The following CLASP1 variants were observed in gnomAD, a reference collection of about 807,000 sequenced individuals.
CLASP1 encodes the protein CLIP-associating protein 1.
A neutral mutation model predicts 192.3 loss-of-function variants in CLASP1; 38 were observed. That is an observed-to-expected ratio of 0.20 (90% confidence interval 0.15 to 0.26). The LOEUF is 0.26. Among genes scored for constraint, CLASP1 ranks in the 10% least tolerant of loss-of-function variants. The pLI is 1.00. For synonymous variants in CLASP1, 691 were observed against 712.8 expected, an observed-to-expected ratio of 0.97 and a Z score of 0.49; for missense variants, 1,433 against 1,932.5, an observed-to-expected ratio of 0.74 and a Z score of 4.85.
Position 121,412,987 on chromosome 2 carries a change from G to A in CLASP1, c.2321-2018C>T, listed in dbSNP as rs568876440. On this transcript the variant is annotated intron_variant, in intron 23 of 39. Coordinates refer to ENST00000263710, the Ensembl canonical transcript of CLASP1. The stretch of plus-strand genomic sequence containing the variant: ...TCAGAATATATAGGAGGCTGGGCAC[G>A]GCGGCTTTGCCTGTAATCCCAGCAC... 2.6e-5 allele frequency among the ~76,000 whole-genome samples: 4 copies of A among 152,290 alleles called. No individual in the cohort carries two copies. The East Asian group carries it at 7.7e-4, about 29-fold the overall frequency.
At chr2:121,528,280 G>T (rs2094633490) in intron 4 of CLASP1, among the ~76,000 whole-genome samples, 1 of 152,102 alleles carries the variant, frequency 6.6e-6, no homozygotes, top group African/African-American at 2.4e-5. Context: ...GGGAAAGCAG[G>T]GCTGTTTTGG....
At chr2:121,531,110 T>A (rs1019805057) in intron 2 of CLASP1, 1 of 638,952 alleles carries the variant, frequency 1.6e-6, no homozygotes, top group Non-Finnish European at 2.9e-6. Flanking sequence ...AGACGCGTGG[T>A]TTTAGTGTCG....
intron 8 of CLASP1, among the ~76,000 whole-genome samples, chr2:121,483,503 T>C (rs1575347426): frequency 6.6e-6 from 1 of 151,934 alleles, no homozygotes; most frequent in East Asian, 1.9e-4. Context: ...TGTGTGTATA[T>C]ATATGTATGT....
chr2:121,592,545 A>G (rs1333492564), intron 2 of CLASP1, among the ~76,000 whole-genome samples: 6 of 152,266 alleles, frequency 3.9e-5, no homozygotes, highest in African/African-American at 1.2e-4. Context: ...AAGCCAACAT[A>G]GGATATACAT....
rs565401706 is a variant in CLASP1, at chr2:121,437,629, A to G, written c.1913-7452T>C. On this transcript the variant is annotated intron_variant, in intron 19 of 39. Coordinates refer to ENST00000263710, the Ensembl canonical transcript of CLASP1. ...TGGTTGCACATTCTCGAGGGAGATTACTTTCCCCCTCTAACCAGCACCAGA... is the reference window on the plus strand; with the variant it reads ...TGGTTGCACATTCTCGAGGGAGATTGCTTTCCCCCTCTAACCAGCACCAGA... 2.3e-4 allele frequency among the ~76,000 whole-genome samples: 35 copies of G among 152,324 alleles called. 1 individual carries two copies. In the South Asian group the frequency reaches 6.6e-3, roughly 29 times the overall value.
exon 35 of CLASP1, chr2:121,367,716 G>A (rs150310586): frequency 2.3e-4 from 376 of 1,614,026 alleles, no homozygotes; most frequent in East Asian, 9.6e-4. Context: ...GAAGGCGCGC[G>A]GAGGCTGGGT....
intron 2 of CLASP1, among the ~76,000 whole-genome samples, chr2:121,596,524 C>T (rs1421953283): frequency 7.2e-5 from 11 of 152,152 alleles, no homozygotes; most frequent in Non-Finnish European, 2.9e-5. Flanking sequence ...TGAGAGGAAC[C>T]TCCCTTATCT....
intron 1 of CLASP1, among the ~76,000 whole-genome samples, chr2:121,623,393 C>T (rs2067725974): frequency 6.6e-6 from 1 of 152,192 alleles, no homozygotes; most frequent in African/African-American, 2.4e-5. Context: ...CACTCGGTCA[C>T]AGTACAGAAT....
chr2:121,552,643 A>T (rs7569726), intron 2 of CLASP1, among the ~76,000 whole-genome samples: 37,712 of 152,138 alleles, frequency 0.25, 7,396 homozygotes, highest in African/African-American at 0.54. Flanking sequence ...CCACAATGAG[A>T]TACCATCTCA....
chr2:121,350,874 T>C (rs536759598), intron 37 of CLASP1, among the ~76,000 whole-genome samples: 1 of 152,374 alleles, frequency 6.6e-6, no homozygotes, highest in East Asian at 1.9e-4. Context: ...TTCCTCTTCA[T>C]ACTTTTTAGA....
intron 30 of CLASP1, among the ~76,000 whole-genome samples, chr2:121,392,718 T>C (rs2074593536): frequency 6.6e-6 from 1 of 152,242 alleles, no homozygotes; most frequent in African/African-American, 2.4e-5. Context: ...CTATCAGTAA[T>C]ATATACTATT....
intron 24 of CLASP1, among the ~76,000 whole-genome samples, chr2:121,410,494 G>A (rs1286111339): frequency 6.6e-6 from 1 of 151,786 alleles, no homozygotes; most frequent in African/African-American, 2.4e-5. Flanking sequence ...ATCAAAGTCT[G>A]TAAAGCAACA....
At chr2:121,625,594 C>G (rs2068185331) in intron 1 of CLASP1, among the ~76,000 whole-genome samples, 1 of 151,916 alleles carries the variant, frequency 6.6e-6, no homozygotes, top group African/African-American at 2.4e-5. Context: ...GCCACCAGTC[C>G]CAGTTAATTT....
intron 2 of CLASP1, among the ~76,000 whole-genome samples, chr2:121,556,309 A>G (rs2058567638): frequency 6.6e-6 from 1 of 152,080 alleles, no homozygotes; most frequent in African/African-American, 2.4e-5. Context: ...TTGAAAGGCA[A>G]GTCGTTATCA....
At chr2:121,473,346 T>C (rs576202887) in intron 8 of CLASP1, among the ~76,000 whole-genome samples, 1 of 152,170 alleles carries the variant, frequency 6.6e-6, no homozygotes, top group African/African-American at 2.4e-5. Context: ...AAGTGCAGAC[T>C]AGACATTGTA....
chr2:121,401,996 T>C, intron 26 of CLASP1, 126 bp from the exon 28 acceptor site: 1 of 461,826 alleles, frequency 2.2e-6, no homozygotes, highest in Non-Finnish European at 4.3e-6. Context: ...ACCAATGAAA[T>C]ATTCTCTCCT....
At chr2:121,404,946 G>A (rs2076698121) in intron 25 of CLASP1, among the ~76,000 whole-genome samples, 3 of 152,140 alleles carry the variant, frequency 2.0e-5, no homozygotes, top group Admixed American at 2.0e-4. Context: ...AACAAAAAAG[G>A]GAAAAAACAA....
At chr2:121,418,972 GA>G (rs1459896852) in intron 22 of CLASP1, among the ~76,000 whole-genome samples, 1 of 152,216 alleles carries the variant, frequency 6.6e-6, no homozygotes, top group East Asian at 1.9e-4. Context: ...GTACGAAGGT[GA>G]AATTACACCT....
At chr2:121,409,088 G>A in intron 24 of CLASP1, 1 of 1,517,750 alleles carries the variant, frequency 6.6e-7, no homozygotes, top group South Asian at 1.2e-5. Flanking sequence ...AAAAAGCATA[G>A]AGAATTATGT....
Sources: gnomAD v4.1 joint callset for allele counts (sites outside exome capture counted in the v4.1 genomes callset) on GRCh38, gnomAD v4.1.1 for gene constraint, MANE v1.5 for transcripts, NCBI Gene and HGNC (gene_info 2026-07-23, HGNC 2026-07-21) for gene names.